Variants in LAMC1 observed in about 807,000 individuals in gnomAD.
The protein encoded by LAMC1 is laminin subunit gamma 1, also known as laminin subunit gamma-1.
In LAMC1, 38 loss-of-function variants were observed where a neutral mutation model predicts 173.6. The ratio of observed to expected loss-of-function variants is 0.22; its 90% CI spans 0.17 to 0.29. LAMC1 has a LOEUF of 0.29. Among genes scored for constraint, LAMC1 ranks in the 10% least tolerant of loss-of-function variants. LAMC1 has a pLI of 1.00. For missense variants in LAMC1, 1,824 were observed against 2,051.8 expected, an observed-to-expected ratio of 0.89 and a Z score of 2.14; for synonymous variants, 746 against 749.1, an observed-to-expected ratio of 1.00 and a Z score of 0.07.
At chr1:183,125,945 A>G (rs916857742) in intron 15 of LAMC1, among the ~76,000 whole-genome samples, 175 bp from the exon 16 acceptor site, 2 of 152,208 alleles carry the variant, frequency 1.3e-5, no homozygotes, top group African/African-American at 2.4e-5. Context: ...AGCACTCATG[A>G]AAATTACTTG....
At chr1:183,077,019 A>G (rs1260879087) in intron 1 of LAMC1, among the ~76,000 whole-genome samples, 1 of 152,230 alleles carries the variant, frequency 6.6e-6, no homozygotes, top group Non-Finnish European at 1.5e-5. Context: ...TGAAGTAGCC[A>G]AGATTGCGTT....
At chr1:183,067,475 TTTGTTGTTGTTG>T (rs373552407) in intron 1 of LAMC1, among the ~76,000 whole-genome samples, 1 of 151,800 alleles carries the variant, frequency 6.6e-6, no homozygotes, top group East Asian at 1.9e-4. Context: ...CATATATATT[TTTGTTGTTGTTG>T]TTGTTGTTGT....
intron 1 of LAMC1, among the ~76,000 whole-genome samples, chr1:183,026,076 C>T (rs1653678547): frequency 6.6e-6 from 1 of 152,132 alleles, no homozygotes; most frequent in Non-Finnish European, 1.5e-5. Flanking sequence ...TAGAGTTTAC[C>T]TCTAACATCA....
rs536834600 is a variant in LAMC1, at chr1:183,128,410, A to G, written c.3124-184A>G. Among the ~76,000 whole-genome samples, 13 of 152,226 alleles carry G rather than the reference A, an allele frequency of 8.5e-5. No individual in the cohort carries two copies. The East Asian group carries it at 1.9e-3, about 23-fold the overall frequency. On this transcript the variant is annotated intron_variant, in intron 17 of 27. Coordinates refer to ENST00000258341, the MANE Select transcript of LAMC1 (RefSeq NM_002293.4). Reference sequence around the variant, plus strand: ...GCACACCAACATGGCACATGTATACATATGTAACAAACCTGCATGTTGTGC... The same window carrying G: ...GCACACCAACATGGCACATGTATACGTATGTAACAAACCTGCATGTTGTGC...
intron 20 of LAMC1, 50 bp downstream of exon 20, chr1:183,131,428 GGTGTGTGT>G (rs55951405): frequency 2.7e-5 from 26 of 951,908 alleles, no homozygotes; most frequent in African/African-American, 8.7e-5. Flanking sequence ...TCTGTTATGG[GGTGTGTGT>G]GTGTGTGTGT....
chr1:183,032,303 A>G (rs1276077151), intron 1 of LAMC1, among the ~76,000 whole-genome samples: 14 of 152,234 alleles, frequency 9.2e-5, no homozygotes, highest in Non-Finnish European at 4.4e-5. Flanking sequence ...AGGCTGGGAA[A>G]TGAATAAGGG....
rs369905308 is a variant in LAMC1, at chr1:183,142,820, C to T, written c.*30C>T. The T allele has an allele frequency of 2.6e-5, 41 of 1,578,014 alleles. No homozygotes were observed. The African/African-American group carries it at 3.9e-4, about 15-fold the overall frequency. ...TTTAGGGCTGGAAGGCAGCATCCCT[C>T]TGACAGGGGGGCAGTTGTGAGGCCA... On this transcript the variant is annotated 3_prime_UTR_variant, in exon 28 of 28. Coordinates refer to ENST00000258341, the MANE Select transcript of LAMC1 (RefSeq NM_002293.4).
chr1:183,082,395 C>T (rs906927923), intron 1 of LAMC1, among the ~76,000 whole-genome samples: 1 of 152,102 alleles, frequency 6.6e-6, no homozygotes, highest in African/African-American at 2.4e-5. Context: ...GTAATGCTTT[C>T]GAATACTAAA....
At chr1:183,067,354 T>A (rs1358344528) in intron 1 of LAMC1, among the ~76,000 whole-genome samples, 1 of 152,220 alleles carries the variant, frequency 6.6e-6, no homozygotes, top group African/African-American at 2.4e-5. Flanking sequence ...AATAAAACGA[T>A]GAGTGTGTCT....
rs758935343 is a variant in LAMC1, at chr1:183,090,319, G to A, written c.419-13009G>A. 1.7e-4 allele frequency among the ~76,000 whole-genome samples: 26 copies of A among 152,110 alleles called. 1 individual carries two copies. Among genetic ancestry groups the A allele is most frequent in the Admixed American group, 1.5e-3 (23 of 15,278 alleles). On this transcript the variant is annotated intron_variant, in intron 1 of 27. Coordinates refer to ENST00000258341, the MANE Select transcript of LAMC1 (RefSeq NM_002293.4). ...GGATTACATACATTTTAGCTATTTT[G>A]TAGAAGGTATAATTTAATCAGGAAC...
intron 11 of LAMC1, 25 bp from the exon 12 acceptor site, chr1:183,121,698 A>T: frequency 6.3e-7 from 1 of 1,587,878 alleles, no homozygotes; most frequent in Non-Finnish European, 8.6e-7. Flanking sequence ...CAGTTCAGTG[A>T]TTTTCTTTTC....
rs776854451 is a variant in LAMC1 at position 183,124,595 on chromosome 1, C to A, written c.2402-36C>A. On this transcript the variant is annotated intron_variant, in intron 13 of 27. Transcript: ENST00000258341. Reference sequence around the variant, plus strand: ...AATCTAGCACCAAAAATGTCTAAGGCCTTTCTTTCATAACATCAGATTGTC... The same window carrying A: ...AATCTAGCACCAAAAATGTCTAAGGACTTTCTTTCATAACATCAGATTGTC... 23 of 1,612,558 alleles carry A rather than the reference C, an allele frequency of 1.4e-5. No homozygotes were observed. In the East Asian group the frequency reaches 4.7e-4, roughly 33 times the overall value.
At chr1:183,087,161 T>A (rs1359607171) in intron 1 of LAMC1, among the ~76,000 whole-genome samples, 2 of 152,196 alleles carry the variant, frequency 1.3e-5, no homozygotes, top group Non-Finnish European at 2.9e-5. Context: ...TCTATGTATC[T>A]TCAGTACTCA....
Position 183,136,553 on chromosome 1 carries a change from G to A in LAMC1, c.4282G>A (p.Glu1428Lys), listed in dbSNP as rs1216892574. Residue 1428 changes from glutamate (E) to lysine (K), a missense_variant, in exon 25 of 28, where the codon GAG becomes AAG. Coordinates refer to ENST00000258341, the MANE Select transcript of LAMC1 (RefSeq NM_002293.4). ...DATEAKNKAH[E>K]AERIASAVQK... ...CACAGAGGCCAAGAACAAGGCCCATGAGGCGGAGAGGATCGCGAGCGCTGT... is the reference window on the plus strand; with the variant it reads ...CACAGAGGCCAAGAACAAGGCCCATAAGGCGGAGAGGATCGCGAGCGCTGT... 6 of 1,613,026 alleles carry A rather than the reference G, an allele frequency of 3.7e-6. No homozygotes were observed. Among genetic ancestry groups the A allele is most frequent in the Non-Finnish European group, 5.1e-6 (6 of 1,179,430 alleles).
chr1:183,100,474 C>T (rs976170184), intron 1 of LAMC1, among the ~76,000 whole-genome samples: 1 of 152,198 alleles, frequency 6.6e-6, no homozygotes, highest in Admixed American at 6.5e-5. Flanking sequence ...CTAGACAACT[C>T]TAATTCCTAT....
intron 13 of LAMC1, among the ~76,000 whole-genome samples, chr1:183,123,207 T>G (rs538411399): frequency 6.6e-6 from 1 of 152,216 alleles, no homozygotes; most frequent in Non-Finnish European, 1.5e-5. Context: ...TTTCAAGTCC[T>G]AGAAACAGTC....
At chr1:183,087,866 T>C (rs1011844907) in intron 1 of LAMC1, among the ~76,000 whole-genome samples, 1 of 151,382 alleles carries the variant, frequency 6.6e-6, no homozygotes, top group African/African-American at 2.4e-5. Context: ...CAGGCTGGAG[T>C]GCAATGGTGC....
chr1:183,110,714 G>A, intron 4 of LAMC1, 60 bp downstream of exon 4: 1 of 1,526,266 alleles, frequency 6.6e-7, no homozygotes, highest in South Asian at 1.2e-5. Context: ...GGTGGAAGAA[G>A]GAATGGGTGA....
intron 1 of LAMC1, among the ~76,000 whole-genome samples, chr1:183,081,069 A>G (rs1350732338): frequency 1.3e-5 from 2 of 151,800 alleles, no homozygotes; most frequent in Non-Finnish European, 2.9e-5. Context: ...TTATATTCTT[A>G]GTAGAGATGG....
Sources: allele counts gnomAD v4.1 joint callset (sites outside exome capture counted in the v4.1 genomes callset), GRCh38; gene constraint gnomAD v4.1.1; transcripts MANE v1.5; gene names NCBI Gene and HGNC (gene_info 2026-07-23, HGNC 2026-07-21).